Variants in CSNK1G1 observed in about 807,000 individuals in gnomAD.
CSNK1G1 encodes casein kinase I isoform gamma-1.
CSNK1G1 carries 22 observed loss-of-function variants against 59.6 expected under a neutral mutation model. The ratio of observed to expected loss-of-function variants is 0.37; its 90% confidence interval spans 0.26 to 0.53. The LOEUF (loss-of-function observed/expected upper bound fraction) is 0.53, where lower values mean the gene tolerates loss of function less well. Among genes scored for constraint, CSNK1G1 ranks in the 20% least tolerant of loss-of-function variants. The pLI is 0.89. For synonymous variants in CSNK1G1, 179 were observed against 177.1 expected (o/e 1.01, Z -0.08); for missense variants, 384 against 519.5 (o/e 0.74, Z 2.54).
intron 7 of CSNK1G1, 148 bp downstream of exon 7, chr15:64,207,361 T>G (rs1031497916): frequency 3.5e-6 from 2 of 568,588 alleles, no homozygotes; most frequent in Non-Finnish European, 6.3e-6. Flanking sequence ...TCCTCCCACC[T>G]CAGCCTCCCA....
intron 1 of CSNK1G1, among the ~76,000 whole-genome samples, chr15:64,309,414 T>C (rs1213249120): frequency 1.3e-5 from 2 of 151,090 alleles, no homozygotes; most frequent in Non-Finnish European, 2.9e-5. Flanking sequence ...GCTAAAAAAA[T>C]CCAAACTCCA....
intron 4 of CSNK1G1, among the ~76,000 whole-genome samples, chr15:64,240,529 T>C (rs894904467): frequency 1.3e-5 from 2 of 151,356 alleles, no homozygotes; most frequent in Non-Finnish European, 2.9e-5. Flanking sequence ...AAGAGAGTAC[T>C]CTAAAAACAG....
At chr15:64,311,677 GAAAAAAA>G (rs11371950) in intron 1 of CSNK1G1, among the ~76,000 whole-genome samples, 4 of 108,154 alleles carry the variant, frequency 3.7e-5, no homozygotes, top group African/African-American at 1.4e-4. Flanking sequence ...TAAAAAAAGT[GAAAAAAA>G]AAAAAAAAAA....
chr15:64,312,694 G>C (rs1478584459), intron 1 of CSNK1G1, among the ~76,000 whole-genome samples: 1 of 152,090 alleles, frequency 6.6e-6, no homozygotes, highest in African/African-American at 2.4e-5. Flanking sequence ...CATAGGCATG[G>C]GCAAAGACTT....
intron 2 of CSNK1G1, among the ~76,000 whole-genome samples, chr15:64,292,782 G>C (rs935589319): frequency 6.6e-6 from 1 of 151,986 alleles, no homozygotes; most frequent in African/African-American, 2.4e-5. Flanking sequence ...AAAATAATTA[G>C]CCGGGCATGG....
At chr15:64,280,653 G>A (rs181336897) in intron 2 of CSNK1G1, among the ~76,000 whole-genome samples, 200 of 152,016 alleles carry the variant, frequency 1.3e-3, no homozygotes, top group African/African-American at 4.5e-3. Flanking sequence ...GAGCCACTGC[G>A]CCCGGCCCCT....
chr15:64,249,232 T>G lies in CSNK1G1; in HGVS notation c.292+2280A>C, dbSNP rs377525734. 5.9e-5 allele frequency among the ~76,000 whole-genome samples: 9 copies of G among 152,310 alleles called. No individual in the cohort carries two copies. The East Asian group carries it at 9.6e-4, about 16-fold the overall frequency. ...AATTAGCCTGAAGAGTGGTGAACTC[T>G]ATGATTAGAACTAAGTAGTCAAGCC... On this transcript the variant is annotated intron_variant, in intron 4 of 11. Coordinates refer to ENST00000303052, the MANE Select transcript of CSNK1G1 (RefSeq NM_022048.5).
intron 1 of CSNK1G1, among the ~76,000 whole-genome samples, chr15:64,315,045 A>T (rs1896198287): frequency 6.6e-6 from 1 of 152,046 alleles, no homozygotes; most frequent in Non-Finnish European, 1.5e-5. Context: ...TTTTTGACAA[A>T]CCTCCATACA....
intron 2 of CSNK1G1, among the ~76,000 whole-genome samples, chr15:64,259,684 C>T (rs1408301977): frequency 2.0e-5 from 3 of 152,126 alleles, no homozygotes; most frequent in Non-Finnish European, 2.9e-5. Flanking sequence ...CATGGTATTT[C>T]GTGTCAACTT....
chr15:64,248,659 G>T (rs1460983076), intron 4 of CSNK1G1, among the ~76,000 whole-genome samples: 6 of 152,148 alleles, frequency 3.9e-5, no homozygotes, highest in Admixed American at 3.9e-4. Flanking sequence ...ATATCCCAAT[G>T]TTCTTCCTCA....
intron 3 of CSNK1G1, among the ~76,000 whole-genome samples, chr15:64,253,703 G>A (rs1228170839): frequency 6.6e-6 from 1 of 151,934 alleles, no homozygotes; most frequent in Non-Finnish European, 1.5e-5. Context: ...AACAAAATTG[G>A]GTATATACAT....
chr15:64,201,760 T>C (rs1354918437), intron 10 of CSNK1G1, among the ~76,000 whole-genome samples: 3 of 147,002 alleles, frequency 2.0e-5, no homozygotes, highest in East Asian at 4.0e-4. Context: ...GTTTATATAC[T>C]ATTCTTAACC....
intron 10 of CSNK1G1, chr15:64,189,365 C>G: frequency 8.0e-7 from 1 of 1,251,384 alleles, no homozygotes; most frequent in Non-Finnish European, 1.0e-6. Context: ...TGCTACTATT[C>G]TGATCTTGCT....
intron 4 of CSNK1G1, among the ~76,000 whole-genome samples, chr15:64,226,465 G>A (rs1596123355): frequency 1.3e-5 from 2 of 151,894 alleles, no homozygotes; most frequent in African/African-American, 4.8e-5. Flanking sequence ...CTGAGGCAGG[G>A]GAATCGCTTG....
At chr15:64,297,467 G>C (rs1324898536) in intron 2 of CSNK1G1, among the ~76,000 whole-genome samples, 3 of 152,066 alleles carry the variant, frequency 2.0e-5, no homozygotes, top group African/African-American at 7.2e-5. Context: ...CCAACACTTT[G>C]GAAGGCCAAG....
At chr15:64,320,242 A>C (rs1022047157) in intron 1 of CSNK1G1, among the ~76,000 whole-genome samples, 2 of 152,092 alleles carry the variant, frequency 1.3e-5, no homozygotes, top group Non-Finnish European at 2.9e-5. Flanking sequence ...ACGTCAAAAA[A>C]ACAAATGCAT....
intron 1 of CSNK1G1, among the ~76,000 whole-genome samples, chr15:64,355,538 A>T (rs1218864610): frequency 2.6e-5 from 4 of 152,170 alleles, no homozygotes; most frequent in African/African-American, 9.7e-5. Flanking sequence ...CGCGGTACCC[A>T]GTCGACTCAG....
intron 4 of CSNK1G1, among the ~76,000 whole-genome samples, chr15:64,227,416 T>C (rs2140285206): frequency 1.3e-5 from 2 of 152,316 alleles, no homozygotes; most frequent in Middle Eastern, 3.4e-3. Context: ...CATATGTAGG[T>C]AAACAACTAT....
intron 2 of CSNK1G1, among the ~76,000 whole-genome samples, chr15:64,265,494 GA>G (rs1425801847): frequency 1.3e-5 from 2 of 152,142 alleles, no homozygotes; most frequent in Non-Finnish European, 2.9e-5. Context: ...TGTAAGATGT[GA>G]CTTTGCTCCT....
Sources: gnomAD v4.1 joint callset for allele counts (sites outside exome capture counted in the v4.1 genomes callset) on GRCh38, gnomAD v4.1.1 for gene constraint, MANE v1.5 for transcripts, NCBI Gene and HGNC (gene_info 2026-07-23, HGNC 2026-07-21) for gene names.